UBR1: variants seen among roughly 807,000 people sequenced by gnomAD.
UBR1 encodes the protein ubiquitin protein ligase E3 component n-recognin 1.
Under a neutral mutation model 242.1 loss-of-function variants are expected in UBR1, and 102 were observed. That is an observed-to-expected ratio of 0.42 (90% CI 0.36 to 0.50). The LOEUF (loss-of-function observed/expected upper bound fraction) is 0.50, where lower values mean the gene tolerates loss of function less well. UBR1 is among the 20% of genes least tolerant of loss of function. The pLI, the probability that UBR1 is intolerant of heterozygous loss-of-function variation, is 0.01. For synonymous variants in UBR1, 675 were observed against 684.8 expected, an observed-to-expected ratio of 0.99 and a Z score of 0.22; for missense variants, 1,772 against 2,101.8, an observed-to-expected ratio of 0.84 and a Z score of 3.07.
rs375380714 is a variant in UBR1 at position 42,998,215 on chromosome 15, T to G, written c.3710A>C (p.Gln1237Pro). 2.2e-4 allele frequency: 347 copies of G among 1,613,928 alleles called. No individual in the cohort carries two copies. Among genetic ancestry groups the G allele is most frequent in the Non-Finnish European group, 2.8e-4 (331 of 1,179,994 alleles). ...ACCTGATATTCTGGCCAGAACAGTCTGTATCCACCGTGCCAGGGTCAAAAG... is the reference window on the plus strand; with the variant it reads ...ACCTGATATTCTGGCCAGAACAGTCGGTATCCACCGTGCCAGGGTCAAAAG... ...AQLLTLARWI[Q>P]TVLARISGYN... Residue 1237 changes from glutamine (Q) to proline (P), a missense_variant, in exon 33 of 47, where the codon CAG becomes CCG. Physicochemically the swap from Gln to Pro is moderately conservative, Grantham distance 76. Transcript: ENST00000290650.
intron 13 of UBR1, among the ~76,000 whole-genome samples, chr15:43,047,696 A>G (rs1364279086): frequency 6.6e-6 from 1 of 152,240 alleles, no homozygotes; most frequent in East Asian, 1.9e-4. Flanking sequence ...CAAGCACCTT[A>G]ACCTCATCAC....
chr15:43,063,359 G>A (rs1467894107), intron 6 of UBR1, among the ~76,000 whole-genome samples: 1 of 152,182 alleles, frequency 6.6e-6, no homozygotes, highest in African/African-American at 2.4e-5. Flanking sequence ...TTCTTCTCCT[G>A]GGACACTGGT....
chr15:42,995,354 T>A (rs1017194389), intron 33 of UBR1, among the ~76,000 whole-genome samples: 1 of 152,086 alleles, frequency 6.6e-6, no homozygotes, highest in Non-Finnish European at 1.5e-5. Flanking sequence ...GAATTGCTTC[T>A]CGGTGCTTAA....
intron 26 of UBR1, 106 bp downstream of exon 26, chr15:43,022,596 A>T: frequency 1.3e-6 from 1 of 755,408 alleles, no homozygotes; most frequent in Non-Finnish European, 2.2e-6. Flanking sequence ...AAGGACTGAC[A>T]GATTAAAACT....
At chr15:43,096,521 A>G (rs1049230165) in intron 1 of UBR1, among the ~76,000 whole-genome samples, 1 of 152,138 alleles carries the variant, frequency 6.6e-6, no homozygotes, top group Admixed American at 6.6e-5. Flanking sequence ...CCTTTTCACA[A>G]AAGATTTCTC....
chr15:42,980,379 C>T (rs1463905547), intron 37 of UBR1, among the ~76,000 whole-genome samples: 2 of 152,098 alleles, frequency 1.3e-5, no homozygotes, highest in African/African-American at 4.8e-5. Flanking sequence ...AAATCATGGG[C>T]TTTATGGTCA....
In UBR1 at chr15:43,047,189, A is replaced by G. The variant is rs1207112559; in HGVS notation, c.1640T>C (p.Leu547Pro). The change falls in exon 14 of 47, where the codon CTC becomes CCC. Residue 547 changes from leucine to proline, a missense_variant. By Grantham distance (98) the Leu-to-Pro change is moderately conservative (BLOSUM62 -3). Coordinates refer to ENST00000290650, the MANE Select transcript of UBR1 (RefSeq NM_174916.3). The stretch of plus-strand genomic sequence containing the variant: ...ACAAGCACACCACTCTTGGAACATG[A>G]GTAAAATATTCTTCAATTGCATCTG... ...AIQMQLKNIL[L>P]MFQEWCACDE... 1 of 1,614,184 alleles carries G rather than the reference A, an allele frequency of 6.2e-7. No homozygotes were observed. Among genetic ancestry groups the G allele is most frequent in the East Asian group, 2.2e-5 (1 of 44,882 alleles).
At chr15:43,053,314 A>T (rs550646349) in intron 12 of UBR1, among the ~76,000 whole-genome samples, 1 of 152,336 alleles carries the variant, frequency 6.6e-6, no homozygotes, top group Admixed American at 6.5e-5. Flanking sequence ...AAATATGATA[A>T]AACAAGTGAT....
At chr15:43,084,458 T>A (rs2034009328) in intron 2 of UBR1, among the ~76,000 whole-genome samples, 1 of 152,214 alleles carries the variant, frequency 6.6e-6, no homozygotes. Flanking sequence ...GCAAAGACTA[T>A]TTTTTCGTTT....
chr15:43,036,667 C>T, intron 17 of UBR1, 74 bp from the exon 18 acceptor site: 1 of 1,067,826 alleles, frequency 9.4e-7, no homozygotes, highest in Non-Finnish European at 1.4e-6. Context: ...AAAACCTATC[C>T]TTAAAACTTT....
chr15:42,985,475 C>A (rs1399906547), intron 35 of UBR1, among the ~76,000 whole-genome samples: 1 of 151,982 alleles, frequency 6.6e-6, no homozygotes, highest in African/African-American at 2.4e-5. Context: ...GCCTCAGCCT[C>A]CTCAGTAGCT....
chr15:43,034,323 G>T (rs1195348614), intron 19 of UBR1, among the ~76,000 whole-genome samples: 1 of 151,046 alleles, frequency 6.6e-6, no homozygotes, highest in Non-Finnish European at 1.5e-5. Flanking sequence ...ATCCCTGCAG[G>T]CCCAGCTATG....
chr15:42,951,802 G>A (rs1384794083), intron 45 of UBR1, among the ~76,000 whole-genome samples: 1 of 151,956 alleles, frequency 6.6e-6, no homozygotes, highest in Non-Finnish European at 1.5e-5. Context: ...ATAGAGATGG[G>A]GGTCTCGCCT....
At chr15:43,083,271 T>C (rs1450891100) in intron 2 of UBR1, among the ~76,000 whole-genome samples, 2 of 152,270 alleles carry the variant, frequency 1.3e-5, no homozygotes, top group South Asian at 2.1e-4. Flanking sequence ...ATTCAATCCC[T>C]CTTCATCTCT....
chr15:43,103,808 C>T (rs2034265997), intron 1 of UBR1, among the ~76,000 whole-genome samples: 1 of 152,062 alleles, frequency 6.6e-6, no homozygotes, highest in Non-Finnish European at 1.5e-5. Flanking sequence ...TAAAGATAAA[C>T]AATAAGGAGT....
At chr15:42,961,229 C>T (rs565260160) in intron 42 of UBR1, among the ~76,000 whole-genome samples, 5 of 151,478 alleles carry the variant, frequency 3.3e-5, no homozygotes, top group Non-Finnish European at 7.4e-5. Context: ...TCTCCTGCCT[C>T]AGCATCTTCA....
At chr15:42,983,811 T>C in intron 37 of UBR1, 86 bp downstream of exon 37, 1 of 847,402 alleles carries the variant, frequency 1.2e-6, no homozygotes, top group Non-Finnish European at 1.7e-6. Context: ...GTATGTTGTT[T>C]CCTAATGAAA....
In UBR1 at chr15:43,022,711, T is replaced by C. The variant is rs2033126243; in HGVS notation, c.2830A>G (p.Lys944Glu). 3 of 1,609,364 alleles carry C rather than the reference T, an allele frequency of 1.9e-6. No individual in the cohort carries two copies. Among genetic ancestry groups the C allele is most frequent in the African/African-American group, 2.7e-5 (2 of 74,830 alleles). ...EEEVTFDFYH[K>E]ASRLGSSAMN... is the part of the protein sequence containing the mutation. Reference sequence around the variant, plus strand: ...TGATACTCAAACATACTTGAAGCCTTATGATAAAAGTCAAATGTTACTTCT... The same window carrying C: ...TGATACTCAAACATACTTGAAGCCTCATGATAAAAGTCAAATGTTACTTCT... Residue 944 changes from lysine to glutamate, a missense_variant, in exon 26 of 47, where the codon AAG becomes GAG. Physicochemically the swap from Lys to Glu is moderately conservative, Grantham distance 56. Coordinates refer to ENST00000290650, the MANE Select transcript of UBR1 (RefSeq NM_174916.3).
intron 19 of UBR1, 139 bp downstream of exon 19, chr15:43,036,039 C>A (rs564201831): frequency 2.1e-5 from 14 of 660,268 alleles, no homozygotes; most frequent in Non-Finnish European, 3.3e-5. Context: ...TGTAACTAAC[C>A]TGCACAATGT....
Sources: allele counts gnomAD v4.1 joint callset (sites outside exome capture counted in the v4.1 genomes callset), GRCh38; gene constraint gnomAD v4.1.1; transcripts MANE v1.5; gene names NCBI Gene and HGNC (gene_info 2026-07-23, HGNC 2026-07-21).